Variants in RIF1 observed in about 807,000 individuals in gnomAD.
The protein encoded by RIF1 is replication timing regulatory factor 1, also known as telomere-associated protein RIF1.
Under a neutral mutation model 247.1 loss-of-function variants are expected in RIF1, and 45 were observed. The ratio of observed to expected loss-of-function variants is 0.18; its 90% CI spans 0.14 to 0.23. RIF1 has a LOEUF of 0.23. Among genes scored for constraint, RIF1 ranks in the 10% least tolerant of loss-of-function variants. The pLI, the probability that RIF1 is intolerant of heterozygous loss-of-function variation, is 1.00. For missense variants in RIF1, 2,967 were observed against 2,862.5 expected (o/e 1.04, Z -0.83); for synonymous variants, 1,087 against 978.8 (o/e 1.11, Z -2.06).
intron 9 of RIF1, among the ~76,000 whole-genome samples, chr2:151,491,041 T>G (rs2056148392): frequency 6.7e-6 from 1 of 148,766 alleles, no homozygotes; most frequent in Admixed American, 6.6e-5. Context: ...AATATCCTTT[T>G]TTTTTTTTTT....
chr2:151,410,347 C>G (rs1338031192), intron 1 of RIF1, 67 bp from the exon 2 acceptor site: 1 of 1,339,218 alleles, frequency 7.5e-7, no homozygotes, highest in Non-Finnish European at 1.0e-6. Flanking sequence ...GCCGGACTCA[C>G]ACTGGGCCGC....
At chr2:151,490,614 C>T in intron 9 of RIF1, 1 of 1,441,230 alleles carries the variant, frequency 6.9e-7, no homozygotes, top group Non-Finnish European at 9.5e-7. Flanking sequence ...GTTATCTTTG[C>T]CAAGCATGGT....
downstream of RIF1, chr2:151,485,816 C>T (rs756024407): frequency 1.9e-6 from 3 of 1,614,042 alleles, no homozygotes; most frequent in South Asian, 3.3e-5. Context: ...GTCCTCTGCA[C>T]AGTGCCATAC....
At chr2:151,490,152 G>A in intron 9 of RIF1, 2 of 1,261,832 alleles carry the variant, frequency 1.6e-6, no homozygotes, top group Admixed American at 2.2e-5. Context: ...TAGCAGCTGA[G>A]TGATGTCTTT....
At chr2:151,491,434 G>T in intron 9 of RIF1, 2 of 342,384 alleles carry the variant, frequency 5.8e-6, no homozygotes, top group Non-Finnish European at 1.1e-5. Flanking sequence ...TTTTTTCTTT[G>T]GAAGAAAAAT....
In RIF1 at chr2:151,480,808, TAA is replaced by T. The variant is rs1352542946; in HGVS notation, c.*5738_*5739del. 1 of 150,154 alleles carries T rather than the reference TAA, an allele frequency of 6.7e-6. No homozygotes were observed. Among genetic ancestry groups the T allele is most frequent in the Non-Finnish European group, 1.5e-5 (1 of 66,844 alleles). The allele number at this position is 150,154 out of a possible 1,614,324, so 9.3% of individuals were successfully genotyped here. Reference sequence around the variant, plus strand: ...TAGGAAGTTTCTAAAAGAAAACAATTAAGAGCAAAATTGGTTTTGAGTATAGA... The same window carrying T: ...TAGGAAGTTTCTAAAAGAAAACAATTGAGCAAAATTGGTTTTGAGTATAGA... On this transcript the variant is annotated 3_prime_UTR_variant, in exon 36 of 36. Coordinates refer to ENST00000444746, the MANE Select transcript of RIF1 (RefSeq NM_018151.5).
chr2:151,525,966 C>A, the RIF1 span: 63 of 1,613,508 alleles, frequency 3.9e-5, no homozygotes, highest in East Asian at 1.4e-3. Flanking sequence ...ACATCACTGA[C>A]ATGCTTGGTC....
the RIF1 span, chr2:151,531,726 AATGCCCCTCCATGTTTGCAG>A: frequency 7.3e-6 from 9 of 1,234,808 alleles, no homozygotes; most frequent in African/African-American, 1.5e-5. Context: ...GACAATTTAA[AATGCCCCTCCATGTTTGCAG>A]ATGCCCCCTG....
the RIF1 span, among the ~76,000 whole-genome samples, chr2:151,526,551 C>T: frequency 6.6e-6 from 1 of 152,148 alleles, no homozygotes; most frequent in South Asian, 2.1e-4. Context: ...CCTCCATGAG[C>T]CCATTATTAT....
In RIF1 at chr2:151,446,792, T is replaced by C. The variant is rs190752193; in HGVS notation, c.2244+217T>C. Reference sequence around the variant, plus strand: ...TAATAGTGAAGATCTTTTACTATACTGTGTTATCTCCTTGTGCTTGTGTCA... The same window carrying C: ...TAATAGTGAAGATCTTTTACTATACCGTGTTATCTCCTTGTGCTTGTGTCA... On this transcript the variant is annotated intron_variant, in intron 20 of 35. Coordinates refer to ENST00000444746, the MANE Select transcript of RIF1 (RefSeq NM_018151.5). 5.4e-4 allele frequency among the ~76,000 whole-genome samples: 83 copies of C among 152,340 alleles called. 1 individual carries two copies. Among genetic ancestry groups the C allele is most frequent in the African/African-American group, 1.7e-3 (72 of 41,578 alleles).
intron 31 of RIF1, 80 bp from the exon 32 acceptor site, chr2:151,468,394 T>G (rs1697283969): frequency 1.1e-5 from 13 of 1,143,112 alleles, no homozygotes; most frequent in Non-Finnish European, 1.7e-5. Context: ...AAGAAATGAT[T>G]GCAGTCTAAG....
intron 11 of RIF1, chr2:151,501,522 C>T (rs2064537027): frequency 1.5e-5 from 18 of 1,225,552 alleles, no homozygotes; most frequent in Non-Finnish European, 1.9e-5. Flanking sequence ...AACCTGGACC[C>T]ATCATTTTTT....
the RIF1 span, chr2:151,529,279 G>A: frequency 6.2e-7 from 1 of 1,613,362 alleles, no homozygotes. Context: ...TGGTGCAGTT[G>A]GATTTATTTC....
intron 3 of RIF1, 95 bp from the exon 4 acceptor site, chr2:151,414,728 A>G (rs1206899704): frequency 2.3e-5 from 17 of 751,926 alleles, no homozygotes; most frequent in Non-Finnish European, 3.1e-5. Context: ...TTGGAGTAAC[A>G]TGATGAATAT....
intron 8 of RIF1, among the ~76,000 whole-genome samples, chr2:151,424,682 T>C (rs909244629): frequency 1.3e-5 from 2 of 152,056 alleles, no homozygotes; most frequent in Non-Finnish European, 2.9e-5. Context: ...AACTCTTTTT[T>C]TGAGACAAGG....
chr2:151,484,259 AGT>A (rs1459735289), downstream of RIF1, among the ~76,000 whole-genome samples: 1 of 152,202 alleles, frequency 6.6e-6, no homozygotes, highest in Non-Finnish European at 1.5e-5. Context: ...GCACCTGCAA[AGT>A]GTGCCTTGGC....
At chr2:151,504,488 TACC>T (rs2067220440) in intron 12 of RIF1, among the ~76,000 whole-genome samples, 2 of 152,200 alleles carry the variant, frequency 1.3e-5, no homozygotes, top group South Asian at 4.1e-4. Flanking sequence ...ATGAAATTTG[TACC>T]ACAAGGAAAT....
rs202042772 is a variant in RIF1, at chr2:151,428,776, C to G, written c.787-8C>G. The G allele has an allele frequency of 1.9e-6, 3 of 1,595,856 alleles. No homozygotes were observed. Among genetic ancestry groups the G allele is most frequent in the East Asian group, 2.2e-5 (1 of 44,662 alleles). ...AATAACTTCTTAATGATTTTTTCCC[C>G]TTTTTAGACCTTGCATCGAAGTGGG... On this transcript the variant is annotated splice_polypyrimidine_tract_variant and splice_region_variant and intron_variant, in intron 8 of 35. Coordinates refer to ENST00000444746, the MANE Select transcript of RIF1 (RefSeq NM_018151.5).
At chr2:151,489,617 A>C (rs2054420030) in intron 9 of RIF1, among the ~76,000 whole-genome samples, 1 of 152,104 alleles carries the variant, frequency 6.6e-6, no homozygotes, top group South Asian at 2.1e-4. Flanking sequence ...GGCTGGTCTC[A>C]AACTCCTGAG....
Sources: allele counts gnomAD v4.1 joint callset (sites outside exome capture counted in the v4.1 genomes callset), GRCh38; gene constraint gnomAD v4.1.1; transcripts MANE v1.5; gene names NCBI Gene and HGNC (gene_info 2026-07-23, HGNC 2026-07-21).